The following CAPZB variants were observed in gnomAD, a reference collection of about 807,000 sequenced individuals.
CAPZB encodes the protein capping actin protein of muscle Z-line subunit beta.
A neutral mutation model predicts 38.1 loss-of-function variants in CAPZB; 2 were observed. The observed-to-expected ratio is 0.05, with a 90% CI of 0.02 to 0.17. The LOEUF (loss-of-function observed/expected upper bound fraction) is 0.17. Among genes scored for constraint, CAPZB ranks in the 10% least tolerant of loss-of-function variants. CAPZB has a pLI of 1.00. For synonymous variants in CAPZB, 107 were observed against 127.4 expected (o/e 0.84, Z 1.08); for missense variants, 161 against 334.2 (o/e 0.48, Z 4.04).
chr1:19,471,593 T>G (rs146778899), intron 1 of CAPZB, among the ~76,000 whole-genome samples: 5,308 of 142,836 alleles, frequency 0.037, 295 homozygotes, highest in African/African-American at 0.12. Flanking sequence ...GGCTGGGCGC[T>G]GTGGCTCACA....
intron 1 of CAPZB, among the ~76,000 whole-genome samples, chr1:19,438,906 T>C (rs952936108): frequency 6.6e-6 from 1 of 152,208 alleles, no homozygotes; most frequent in Non-Finnish European, 1.5e-5. Flanking sequence ...TGTCCTCTGA[T>C]AGAGGAAAGT....
rs372301105 is a variant in CAPZB at position 19,357,597 on chromosome 1, C to T, written c.330-34G>A. ...AACAGGCCAATGTGCCTGTTAGATG[C>T]TAAAGGACAGATCATCAGCCTGGGT... is the stretch of plus-strand genomic sequence containing the variant. On this transcript the variant is annotated intron_variant, in intron 4 of 8. Transcript: ENST00000264202. This position sits in a 1 kb window ranked among gnomAD's most constrained non-coding sequence, Gnocchi z 4.3. The T allele has an allele frequency of 3.5e-5, 57 of 1,611,836 alleles. No individual in the cohort carries two copies. In the African/African-American group the frequency reaches 6.9e-4, roughly 20 times the overall value.
intron 2 of CAPZB, among the ~76,000 whole-genome samples, chr1:19,416,568 C>T (rs2094380158): frequency 6.6e-6 from 1 of 152,144 alleles, no homozygotes; most frequent in Admixed American, 6.5e-5. Context: ...AACCTCAGCC[C>T]ACCTCCACCA....
At chr1:19,484,576 A>C in intron 1 of CAPZB, 1 of 1,245,322 alleles carries the variant, frequency 8.0e-7, no homozygotes, top group Non-Finnish European at 1.0e-6. Flanking sequence ...GCAACTGAGA[A>C]GGCACAGCAC....
In CAPZB at chr1:19,339,495, G is replaced by A. The variant is rs377692569; in HGVS notation, c.*35C>T. The A allele has an allele frequency of 1.8e-5, 27 of 1,484,054 alleles. 1 individual carries two copies. In the African/African-American group the frequency reaches 3.7e-4, roughly 21 times the overall value. The allele number at this position is 1,484,054 out of a possible 1,614,324, so 91.9% of individuals were successfully genotyped here. ...GTTTTCTAAGAAAGGAATCTAACGA[G>A]TGCACGGCGTGTCTGGTTAGCATGA... On this transcript the variant is annotated 3_prime_UTR_variant, in exon 9 of 9. Transcript: ENST00000264202.
intron 1 of CAPZB, among the ~76,000 whole-genome samples, chr1:19,474,445 C>T (rs2094600035): frequency 6.6e-6 from 1 of 152,164 alleles, no homozygotes; most frequent in South Asian, 2.1e-4. Context: ...GGGTGTGGAT[C>T]TGGGAGGCTC....
intron 3 of CAPZB, among the ~76,000 whole-genome samples, chr1:19,381,006 A>G (rs10917435): frequency 0.018 from 2,667 of 152,128 alleles, 76 homozygotes; most frequent in African/African-American, 0.061. Flanking sequence ...CATCTCTACT[A>G]AACATACAAA....
At chr1:19,346,854 G>A (rs554770008) in intron 6 of CAPZB, among the ~76,000 whole-genome samples, 1 of 124,830 alleles carries the variant, frequency 8.0e-6, no homozygotes, top group Non-Finnish European at 1.6e-5. Context: ...ACGGAGTTTC[G>A]CTCTTGTCGC....
chr1:19,459,607 C>A (rs78520150), intron 1 of CAPZB, among the ~76,000 whole-genome samples: 7,275 of 152,148 alleles, frequency 0.048, 273 homozygotes, highest in African/African-American at 0.11. Flanking sequence ...CACTGTGGGC[C>A]GGGCACTGTG....
intron 2 of CAPZB, among the ~76,000 whole-genome samples, chr1:19,391,547 T>C (rs1198574321): frequency 3.9e-5 from 6 of 152,194 alleles, no homozygotes; most frequent in African/African-American, 1.4e-4. Context: ...CTTTTATTTT[T>C]CCAGAAGGCC....
In CAPZB at chr1:19,353,102, C is replaced by T. The variant is rs760875414; in HGVS notation, c.588+3533G>A. ...GCCACACACAGGGAAGGGCAGCTGCCGCTGCTGCCGGGGTGAGGCAGGCTG... is the reference window on the plus strand; with the variant it reads ...GCCACACACAGGGAAGGGCAGCTGCTGCTGCTGCCGGGGTGAGGCAGGCTG... On this transcript the variant is annotated intron_variant, in intron 6 of 8. Coordinates refer to ENST00000264202, the MANE Select transcript of CAPZB (RefSeq NM_004930.5). Among the ~76,000 whole-genome samples, 63 of 152,342 alleles carry T rather than the reference C, an allele frequency of 4.1e-4. 1 individual carries two copies. Among genetic ancestry groups the T allele is most frequent in the Non-Finnish European group, 6.2e-4 (42 of 68,028 alleles).
At chr1:19,359,710 G>A (rs2094042514) in intron 4 of CAPZB, among the ~76,000 whole-genome samples, 1 of 152,190 alleles carries the variant, frequency 6.6e-6, no homozygotes, top group Non-Finnish European at 1.5e-5. Context: ...AACTGCGCAG[G>A]GTGGGGAAGG....
intron 1 of CAPZB, among the ~76,000 whole-genome samples, chr1:19,466,583 T>TA (rs1373071845): frequency 6.6e-6 from 1 of 152,034 alleles, no homozygotes; most frequent in Non-Finnish European, 1.5e-5. Flanking sequence ...CATGGTCTGA[T>TA]ATGCAAAGAA....
intron 2 of CAPZB, among the ~76,000 whole-genome samples, chr1:19,405,263 G>A (rs1428519579): frequency 2.0e-5 from 3 of 152,138 alleles, no homozygotes; most frequent in Non-Finnish European, 2.9e-5. Context: ...CACTGTGTTA[G>A]GGTCTGGGGA....
At chr1:19,412,647 T>C (rs983456373) in intron 2 of CAPZB, among the ~76,000 whole-genome samples, 2 of 152,148 alleles carry the variant, frequency 1.3e-5, no homozygotes, top group African/African-American at 4.8e-5. Context: ...CTGTGGATTT[T>C]CCCCTAAAAC....
intron 1 of CAPZB, among the ~76,000 whole-genome samples, chr1:19,424,218 T>C (rs2094413424): frequency 6.6e-6 from 1 of 151,670 alleles, no homozygotes; most frequent in South Asian, 2.1e-4. Context: ...TTAAGAAGAG[T>C]AGAAGAGCAG....
At chr1:19,402,188 C>T (rs1052987579) in intron 2 of CAPZB, among the ~76,000 whole-genome samples, 4 of 152,206 alleles carry the variant, frequency 2.6e-5, no homozygotes, top group African/African-American at 4.8e-5. Flanking sequence ...CCCACCAGGG[C>T]TGCGAAGGAA....
intron 3 of CAPZB, among the ~76,000 whole-genome samples, chr1:19,379,123 G>GAGTC (rs2094160181): frequency 7.5e-6 from 1 of 132,792 alleles, no homozygotes; most frequent in Non-Finnish European, 1.6e-5. Context: ...TTTTAAGACA[G>GAGTC]AGTCTAGCTC....
At chr1:19,342,677 C>T (rs1352799855) in intron 8 of CAPZB, 6 of 917,246 alleles carry the variant, frequency 6.5e-6, no homozygotes, top group Non-Finnish European at 8.9e-6. Flanking sequence ...GAGCAGCAGC[C>T]GGACCGGCAG....
Sources: gnomAD v4.1 joint callset for allele counts (sites outside exome capture counted in the v4.1 genomes callset) on GRCh38, gnomAD v4.1.1 for gene constraint, Gnocchi (gnomAD v3.1) non-coding constraint, MANE v1.5 for transcripts, NCBI Gene and HGNC (gene_info 2026-07-23, HGNC 2026-07-21) for gene names.